The following WDR41 variants were observed in gnomAD, a reference collection of about 807,000 sequenced individuals.
WDR41 encodes WD repeat-containing protein 41.
In WDR41, 63 loss-of-function variants were observed where a neutral mutation model predicts 69.3. The observed-to-expected ratio is 0.91, with a 90% CI of 0.74 to 1.12. The LOEUF (loss-of-function observed/expected upper bound fraction) is 1.12, where lower values mean the gene tolerates loss of function less well. Among genes scored for constraint, WDR41 ranks in the 50% most tolerant of loss-of-function variants. The pLI, the probability that WDR41 is intolerant of heterozygous loss-of-function variation, is 0.00. For synonymous variants in WDR41, 185 were observed against 192.1 expected, an observed-to-expected ratio of 0.96 and a Z score of 0.31; for missense variants, 543 against 534.5, an observed-to-expected ratio of 1.02 and a Z score of -0.16.
At chr5:77,470,545 G>C (rs1426420726) in intron 2 of WDR41, among the ~76,000 whole-genome samples, 1 of 151,686 alleles carries the variant, frequency 6.6e-6, no homozygotes, top group Non-Finnish European at 1.5e-5. Flanking sequence ...TCTCATGCAC[G>C]GAGACACACA....
intron 1 of WDR41, among the ~76,000 whole-genome samples, chr5:77,560,678 T>G (rs1358862750): frequency 6.6e-6 from 1 of 152,166 alleles, no homozygotes. Context: ...TGACTAGTGA[T>G]TCCAGGAAAT....
intron 8 of WDR41, among the ~76,000 whole-genome samples, chr5:77,442,391 T>C (rs1447621666): frequency 6.6e-6 from 1 of 152,184 alleles, no homozygotes; most frequent in Admixed American, 6.5e-5. Flanking sequence ...TGGAAATATA[T>C]TTATGACATA....
chr5:77,513,284 C>T (rs1384015195), intron 1 of WDR41, among the ~76,000 whole-genome samples: 2 of 152,140 alleles, frequency 1.3e-5, no homozygotes, highest in African/African-American at 4.8e-5. Flanking sequence ...TAGGTCTGTG[C>T]ACCTGCCAAT....
chr5:77,471,002 T>G (rs563769400), intron 2 of WDR41, among the ~76,000 whole-genome samples: 1 of 152,192 alleles, frequency 6.6e-6, no homozygotes, highest in East Asian at 1.9e-4. Flanking sequence ...CACACTTATT[T>G]CAATATTGAC....
chr5:77,612,304 C>T (rs1744575219), intron 1 of WDR41, among the ~76,000 whole-genome samples: 1 of 152,198 alleles, frequency 6.6e-6, no homozygotes, highest in African/African-American at 2.4e-5. Flanking sequence ...AGGCCAGCGT[C>T]ATCCTGACAC....
At chr5:77,533,460 T>C (rs1314478167) in intron 1 of WDR41, among the ~76,000 whole-genome samples, 1 of 152,184 alleles carries the variant, frequency 6.6e-6, no homozygotes, top group Non-Finnish European at 1.5e-5. Context: ...CTTTATGTAA[T>C]GTAAAACACA....
At chr5:77,474,328 T>A (rs775462932) in intron 2 of WDR41, among the ~76,000 whole-genome samples, 16 of 152,046 alleles carry the variant, frequency 1.1e-4, no homozygotes, top group Non-Finnish European at 1.9e-4. Flanking sequence ...GAGATATAAC[T>A]AATGTTAAAA....
At chr5:77,464,985 A>G (rs764282172) in intron 2 of WDR41, among the ~76,000 whole-genome samples, 176 bp from the exon 3 acceptor site, 30 of 152,228 alleles carry the variant, frequency 2.0e-4, no homozygotes, top group Non-Finnish European at 3.1e-4. Context: ...CCAGGTATGG[A>G]AGATCAAAAG....
intron 1 of WDR41, among the ~76,000 whole-genome samples, chr5:77,540,237 A>G (rs927979328): frequency 6.6e-6 from 1 of 152,210 alleles, no homozygotes; most frequent in Non-Finnish European, 1.5e-5. Flanking sequence ...ATAATTCTGC[A>G]AACATATCAC....
At chr5:77,450,014 CTACTT>C (rs1197046776) in intron 7 of WDR41, 144 bp from the exon 8 acceptor site, 7 of 613,456 alleles carry the variant, frequency 1.1e-5, no homozygotes, top group Admixed American at 3.0e-5. Flanking sequence ...CTTATTCATA[CTACTT>C]TAAACTATTT....
chr5:77,476,047 C>T (rs772648202), intron 2 of WDR41, among the ~76,000 whole-genome samples: 2 of 151,728 alleles, frequency 1.3e-5, no homozygotes, highest in South Asian at 2.1e-4. Context: ...GAAGCCGATG[C>T]GATCAACTGG....
At chr5:77,525,351 C>T (rs1264727708) in intron 1 of WDR41, among the ~76,000 whole-genome samples, 1 of 151,996 alleles carries the variant, frequency 6.6e-6, no homozygotes. Context: ...TTTGTATGCC[C>T]CTTCACATGC....
intron 1 of WDR41, among the ~76,000 whole-genome samples, chr5:77,578,303 G>A (rs754849143): frequency 6.6e-6 from 1 of 151,998 alleles, no homozygotes; most frequent in East Asian, 1.9e-4. Context: ...GGTGGTAGAG[G>A]GTAGGATTCA....
chr5:77,494,944 C>G (rs1021453849), upstream of WDR41, among the ~76,000 whole-genome samples: 3 of 152,114 alleles, frequency 2.0e-5, no homozygotes, highest in African/African-American at 7.2e-5. Flanking sequence ...AGATATCACA[C>G]AAAGTATCTT....
chr5:77,483,495 TG>T (rs1801377800), intron 2 of WDR41, among the ~76,000 whole-genome samples: 2 of 142,526 alleles, frequency 1.4e-5, no homozygotes, highest in African/African-American at 5.3e-5. Context: ...TGTGTGTGTG[TG>T]TGTGTGTGTG....
chr5:77,433,167 CTAAT>C lies in WDR41; in HGVS notation c.1344_1347del (p.Leu449ArgfsTer15). On this transcript the variant is annotated frameshift_variant, in exon 13 of 13. Coordinates refer to ENST00000296679, the MANE Select transcript of WDR41 (RefSeq NM_018268.4). LOFTEE classifies it high-confidence loss of function. ...GCAAGGTATAAGTCACCATTCTCCTCTAATTTTTGAAATAATCTTAAACTGCGCA... is the reference window on the plus strand; with the variant it reads ...GCAAGGTATAAGTCACCATTCTCCTCTTTTGAAATAATCTTAAACTGCGCA... 6.2e-7 allele frequency: 1 copy of C among 1,613,708 alleles called. No homozygotes were observed. Among genetic ancestry groups the C allele is most frequent in the Non-Finnish European group, 8.5e-7 (1 of 1,179,874 alleles).
intron 1 of WDR41, among the ~76,000 whole-genome samples, chr5:77,588,386 A>G (rs1290353993): frequency 2.0e-5 from 3 of 152,128 alleles, no homozygotes; most frequent in Non-Finnish European, 4.4e-5. Flanking sequence ...CTCCTGTGTG[A>G]TTTTTTACAA....
In WDR41 at chr5:77,545,712, G is replaced by A. The variant is rs572814411; in HGVS notation, c.43-56140C>T. On this transcript the variant is annotated intron_variant, in intron 1 of 5. Coordinates refer to the WDR41 transcript ENST00000509971. ...TTTTAAAGGTTACGCCAGTGCAGAA[G>A]CAGACCCACGCTGGCCAGTGCACCA... 5.8e-4 allele frequency: 298 copies of A among 513,994 alleles called. 4 individuals carry two copies. In the South Asian group the frequency reaches 6.9e-3, roughly 12 times the overall value. 31.8% of individuals were successfully genotyped at this position (513,994 alleles called of 1,614,324 possible).
intron 1 of WDR41, among the ~76,000 whole-genome samples, chr5:77,550,484 A>G (rs1585393): frequency 0.76 from 115,674 of 152,188 alleles, 44,873 homozygotes; most frequent in African/African-American, 0.91. Context: ...GCCAACAAAC[A>G]TAATGGGAAA....
Sources: gnomAD v4.1 joint callset for allele counts (sites outside exome capture counted in the v4.1 genomes callset) on GRCh38, gnomAD v4.1.1 for gene constraint, MANE v1.5 for transcripts, NCBI Gene and HGNC (gene_info 2026-07-23, HGNC 2026-07-21) for gene names.